The following ETV4 variants were observed in gnomAD, a reference collection of about 807,000 sequenced individuals.
ETV4 encodes the protein ETS translocation variant 4.
ETV4 carries 42 observed loss-of-function variants against 65.9 expected under a neutral mutation model. The observed-to-expected ratio is 0.64, with a 90% CI of 0.50 to 0.82. ETV4 has a LOEUF of 0.82. Among genes scored for constraint, ETV4 ranks in the 40% least tolerant of loss-of-function variants. The pLI is 0.00. For synonymous variants in ETV4, 238 were observed against 260.0 expected, an observed-to-expected ratio of 0.92 and a Z score of 0.81; for missense variants, 583 against 630.3, an observed-to-expected ratio of 0.92 and a Z score of 0.80.
chr17:43,528,406 G>A lies in ETV4; in HGVS notation c.*113C>T, dbSNP rs1348998685. 2.8e-6 allele frequency: 2 copies of A among 718,082 alleles called. No individual in the cohort carries two copies. The highest frequency in any genetic ancestry group is 2.3e-6 in the Non-Finnish European group (1 of 436,788). The allele number at this position is 718,082 out of a possible 1,614,324, so 44.5% of individuals were successfully genotyped here. A position where few individuals can be genotyped will look rare whatever the true frequency, so the allele number is the denominator to read the frequency against. On this transcript the variant is annotated 3_prime_UTR_variant, in exon 13 of 13. Coordinates refer to ENST00000319349, the MANE Select transcript of ETV4 (RefSeq NM_001079675.5). ...CTAGGGCAACTGGTAGGACAGTGGG[G>A]ATCTGCCCCAGAGACATCTGTGGGT... is the stretch of plus-strand genomic sequence containing the variant.
chr17:43,544,884 A>T, intron 4 of ETV4, 91 bp downstream of exon 4: 1 of 1,226,404 alleles, frequency 8.2e-7, no homozygotes, highest in Non-Finnish European at 1.2e-6. Flanking sequence ...AAGGGAGAGG[A>T]GAAGTGTAGG....
At chr17:43,543,610 C>T (rs1050606503) in intron 4 of ETV4, among the ~76,000 whole-genome samples, 3 of 152,152 alleles carry the variant, frequency 2.0e-5, no homozygotes, top group Non-Finnish European at 2.9e-5. Flanking sequence ...ACTGACACCT[C>T]TGCATTCTTC....
intron 5 of ETV4, 148 bp from the exon 6 acceptor site, chr17:43,534,133 G>A (rs1971109431): frequency 2.5e-6 from 2 of 808,754 alleles, no homozygotes; most frequent in Admixed American, 4.2e-5. Context: ...GAGACCCGCA[G>A]TGAGACAAGA....
intron 8 of ETV4, among the ~76,000 whole-genome samples, chr17:43,531,850 CATCCT>C (rs754446240): frequency 2.3e-4 from 35 of 152,202 alleles, no homozygotes; most frequent in Non-Finnish European, 3.7e-4. Flanking sequence ...GGACCAGACA[CATCCT>C]ATTCATCTTT....
At chr17:43,538,484 A>C (rs1052797994) in intron 4 of ETV4, among the ~76,000 whole-genome samples, 14 of 152,154 alleles carry the variant, frequency 9.2e-5, no homozygotes, top group Admixed American at 6.6e-5. Context: ...CTCTCCCAGG[A>C]TGCCAGGATG....
intron 4 of ETV4, among the ~76,000 whole-genome samples, chr17:43,536,789 C>G (rs77171826): frequency 6.6e-6 from 1 of 152,256 alleles, no homozygotes; most frequent in African/African-American, 2.4e-5. Context: ...CACAGGCCCA[C>G]GGGTTGGACA....
chr17:43,540,505 G>A (rs564673875), intron 4 of ETV4, among the ~76,000 whole-genome samples: 6 of 152,174 alleles, frequency 3.9e-5, no homozygotes, highest in African/African-American at 1.4e-4. Context: ...CCCCTCCTCC[G>A]GAGAGTCCCA....
chr17:43,545,931 G>T, intron 1 of ETV4: 1 of 502,700 alleles, frequency 2.0e-6, no homozygotes, highest in Non-Finnish European at 3.6e-6. Context: ...GGTTACATAA[G>T]AACGTGTGTG....
At chr17:43,545,456 G>T in intron 2 of ETV4, 89 bp from the exon 3 acceptor site, 1 of 1,455,412 alleles carries the variant, frequency 6.9e-7, no homozygotes, top group Admixed American at 2.0e-5. Context: ...CTCAGGGGCG[G>T]GGCAGCCCAG....
At chr17:43,540,181 G>T (rs1000169011) in intron 4 of ETV4, among the ~76,000 whole-genome samples, 2 of 152,178 alleles carry the variant, frequency 1.3e-5, no homozygotes, top group Admixed American at 6.5e-5. Flanking sequence ...AGCCAGGTGT[G>T]GTGGCTCACG....
intron 5 of ETV4, among the ~76,000 whole-genome samples, chr17:43,535,244 G>A (rs1313892493): frequency 6.6e-6 from 1 of 152,144 alleles, no homozygotes; most frequent in Non-Finnish European, 1.5e-5. Context: ...ACAGTTGACA[G>A]CAAAGTATCT....
At chr17:43,532,577 T>C (rs1311915717) in intron 8 of ETV4, 97 bp downstream of exon 8, 6 of 1,145,714 alleles carry the variant, frequency 5.2e-6, no homozygotes, top group South Asian at 3.1e-5. Flanking sequence ...GTTGGATGTA[T>C]GAAATGGTAA....
rs1462850305 is a variant in ETV4 at position 43,528,420 on chromosome 17, A to G, written c.*99T>C. On this transcript the variant is annotated 3_prime_UTR_variant, in exon 13 of 13. Coordinates refer to ENST00000319349, the MANE Select transcript of ETV4 (RefSeq NM_001079675.5). ...AGGACAGTGGGGATCTGCCCCAGAGACATCTGTGGGTTTCAGATGAAGGTT... is the reference window on the plus strand; with the variant it reads ...AGGACAGTGGGGATCTGCCCCAGAGGCATCTGTGGGTTTCAGATGAAGGTT... The G allele has an allele frequency of 9.2e-5, 73 of 795,838 alleles. 2 individuals carry two copies. In the Admixed American group the frequency reaches 1.8e-3, roughly 19 times the overall value. 49.3% of individuals were successfully genotyped at this position (795,838 alleles called of 1,614,324 possible).
intron 4 of ETV4, among the ~76,000 whole-genome samples, chr17:43,540,120 C>T (rs1299145000): frequency 1.3e-5 from 2 of 152,192 alleles, no homozygotes; most frequent in African/African-American, 4.8e-5. Flanking sequence ...CAACCATTCC[C>T]AAACTGGCCT....
At chr17:43,544,195 C>T (rs1304778466) in intron 4 of ETV4, 1 of 152,616 alleles carries the variant, frequency 6.6e-6, no homozygotes, top group African/African-American at 2.4e-5. Flanking sequence ...CCCACCAAAA[C>T]GCACTGAAGA....
At chr17:43,539,239 C>T (rs1294878919) in intron 4 of ETV4, among the ~76,000 whole-genome samples, 3 of 152,206 alleles carry the variant, frequency 2.0e-5, no homozygotes, top group African/African-American at 7.2e-5. Flanking sequence ...TGTGAATCTG[C>T]AGCACTCTGG....
rs1412415780 is a variant in ETV4, at chr17:43,529,120, A to AC, written c.1230+14dup. 3 of 1,612,678 alleles carry AC rather than the reference A, an allele frequency of 1.9e-6. No homozygotes were observed. Among genetic ancestry groups the AC allele is most frequent in the Non-Finnish European group, 2.5e-6 (3 of 1,179,298 alleles). ...CTGCCCCCCACCACCTTGTCCCTAG[A>AC]CCCACAGCCCCCACCTTCTGCATGA... On this transcript the variant is annotated intron_variant, in intron 12 of 12. Coordinates refer to ENST00000319349, the MANE Select transcript of ETV4 (RefSeq NM_001079675.5).
chr17:43,538,057 C>T (rs965136444), intron 4 of ETV4, among the ~76,000 whole-genome samples: 2 of 150,322 alleles, frequency 1.3e-5, no homozygotes, highest in Admixed American at 1.3e-4. Context: ...AAGAGAATGG[C>T]GTGAACCTGG....
At chr17:43,533,464 G>C in intron 6 of ETV4, 116 bp from the exon 7 acceptor site, 1 of 973,346 alleles carries the variant, frequency 1.0e-6, no homozygotes, top group South Asian at 1.7e-5. Context: ...AGGATAGAGG[G>C]GGCTGAGAAG....
Sources: allele counts gnomAD v4.1 joint callset (sites outside exome capture counted in the v4.1 genomes callset), GRCh38; gene constraint gnomAD v4.1.1; transcripts MANE v1.5; gene names NCBI Gene and HGNC (gene_info 2026-07-23, HGNC 2026-07-21).